MECR: variants seen among roughly 807,000 people sequenced by gnomAD.
The protein encoded by MECR is enoyl-[acyl-carrier-protein] reductase, mitochondrial.
Under a neutral mutation model 49.1 loss-of-function variants are expected in MECR, and 37 were observed. That is an observed-to-expected ratio of 0.75 (90% CI 0.58 to 0.99). The LOEUF is 0.99. Ranked by LOEUF, MECR falls within the 50% of genes least tolerant of loss-of-function variation. MECR has a pLI of 0.00. For synonymous variants in MECR, 198 were observed against 191.1 expected, an observed-to-expected ratio of 1.04 and a Z score of -0.30; for missense variants, 470 against 479.6, an observed-to-expected ratio of 0.98 and a Z score of 0.19.
At chr1:29,225,258 T>A (rs1355004033) in intron 1 of MECR, among the ~76,000 whole-genome samples, 2 of 152,214 alleles carry the variant, frequency 1.3e-5, no homozygotes, top group South Asian at 2.1e-4. Context: ...AGTCAACAAA[T>A]ACGGACTGAT....
intron 1 of MECR, among the ~76,000 whole-genome samples, chr1:29,227,745 A>G (rs952676086): frequency 7.9e-5 from 12 of 152,204 alleles, no homozygotes; most frequent in African/African-American, 2.9e-4. Context: ...AGTTACCAGG[A>G]TGTGTAAAGG....
chr1:29,176,754 A>T, the MECR span, among the ~76,000 whole-genome samples: 1 of 152,192 alleles, frequency 6.6e-6, no homozygotes, highest in Non-Finnish European at 1.5e-5. Context: ...ATTATGGTGC[A>T]TTAAACAAGG....
chr1:29,180,745 C>A, the MECR span, among the ~76,000 whole-genome samples: 1 of 152,344 alleles, frequency 6.6e-6, no homozygotes, highest in Admixed American at 6.5e-5. Flanking sequence ...AGTATTTTCT[C>A]CAGGCCTGAT....
intron 1 of MECR, chr1:29,223,621 C>G (rs1000264341): frequency 4.6e-5 from 7 of 152,280 alleles, no homozygotes; most frequent in African/African-American, 1.7e-4. Context: ...ACGTTTGTGT[C>G]ATCACAGGGC....
chr1:29,221,844 C>G (rs1680855445), intron 1 of MECR, among the ~76,000 whole-genome samples: 1 of 152,062 alleles, frequency 6.6e-6, no homozygotes, highest in African/African-American at 2.4e-5. Context: ...CAACTTATGT[C>G]GATGGCTTAC....
At chr1:29,181,529 C>T in the MECR span, 1 of 892,538 alleles carries the variant, frequency 1.1e-6, no homozygotes, top group Non-Finnish European at 1.6e-6. Flanking sequence ...ATGGCGGAGC[C>T]TGGCCAGGCC....
At chr1:29,199,266 C>T (rs887242469) in intron 7 of MECR, among the ~76,000 whole-genome samples, 12 of 152,020 alleles carry the variant, frequency 7.9e-5, no homozygotes, top group African/African-American at 2.7e-4. Context: ...CTCCCTCTGT[C>T]GCCCAGGCTG....
intron 3 of MECR, among the ~76,000 whole-genome samples, chr1:29,207,924 A>T (rs1041241476): frequency 1.3e-5 from 2 of 152,160 alleles, no homozygotes; most frequent in Admixed American, 1.3e-4. Context: ...CCACCAGGGC[A>T]GGAGAAGCTG....
At chr1:29,227,521 A>G (rs1682395784) in intron 1 of MECR, among the ~76,000 whole-genome samples, 1 of 152,258 alleles carries the variant, frequency 6.6e-6, no homozygotes, top group Non-Finnish European at 1.5e-5. Context: ...GGAGGCCAAC[A>G]GGAATGAAAA....
the MECR span, among the ~76,000 whole-genome samples, chr1:29,186,257 T>C: frequency 6.6e-6 from 1 of 152,336 alleles, no homozygotes; most frequent in Non-Finnish European, 1.5e-5. Context: ...CCATTCCTAC[T>C]TCCTAAACTA....
the MECR span, chr1:29,173,501 C>T: frequency 1.8e-5 from 2 of 109,666 alleles, no homozygotes; most frequent in African/African-American, 7.2e-5. Flanking sequence ...GAGTCTCACT[C>T]TGTTGCCCAG....
intron 1 of MECR, among the ~76,000 whole-genome samples, chr1:29,228,675 G>A (rs1018486570): frequency 6.6e-6 from 1 of 151,962 alleles, no homozygotes; most frequent in African/African-American, 2.4e-5. Context: ...GGACATAATA[G>A]AAGCTTTTTT....
At chr1:29,199,595 C>T (rs1460734653) in intron 7 of MECR, among the ~76,000 whole-genome samples, 1 of 151,810 alleles carries the variant, frequency 6.6e-6, no homozygotes, top group East Asian at 1.9e-4. Flanking sequence ...GGCTTATCCC[C>T]CTTGGTAGTG....
the MECR span, among the ~76,000 whole-genome samples, chr1:29,175,686 C>A: frequency 5.5e-5 from 4 of 72,830 alleles, no homozygotes; most frequent in African/African-American, 1.7e-4. Flanking sequence ...CAGAGCCAGA[C>A]GCTGTCTCAA....
chr1:29,227,354 T>C (rs1682360208), intron 1 of MECR, among the ~76,000 whole-genome samples: 1 of 152,222 alleles, frequency 6.6e-6, no homozygotes. Context: ...CAAATGTTTG[T>C]CATTCTTCTG....
rs183621778 is a variant in MECR, at chr1:29,206,868, T to G, written c.444A>C (p.Ala148=). ...WRTEAVFSEE[A]LIQVPSDIPL... Reference sequence around the variant, plus strand: ...GGATGTCACTCGGAACTTGGATCAGTGCTTCCTCGCTGAACACAGCCTCGG... The same window carrying G: ...GGATGTCACTCGGAACTTGGATCAGGGCTTCCTCGCTGAACACAGCCTCGG... The change falls in exon 4 of 10, where the codon GCA becomes GCC. Residue 148 remains alanine (A), a synonymous_variant. Transcript: ENST00000263702. 10 of 1,614,162 alleles carry G rather than the reference T, an allele frequency of 6.2e-6. No homozygotes were observed. In the African/African-American group the frequency reaches 1.1e-4, roughly 17 times the overall value.
intron 3 of MECR, among the ~76,000 whole-genome samples, chr1:29,212,590 A>C (rs953278870): frequency 1.3e-5 from 2 of 152,046 alleles, no homozygotes; most frequent in Non-Finnish European, 2.9e-5. Context: ...CCTTGACTCC[A>C]TGCCCTCTTC....
the MECR span, among the ~76,000 whole-genome samples, chr1:29,184,853 A>G: frequency 6.6e-6 from 1 of 151,782 alleles, no homozygotes. Context: ...GGCCAGGCAC[A>G]GTGGCTCACA....
the MECR span, among the ~76,000 whole-genome samples, chr1:29,176,550 G>A: frequency 3.3e-5 from 5 of 151,340 alleles, no homozygotes; most frequent in African/African-American, 1.2e-4. Context: ...CAGCAACCTG[G>A]AACATTAAAC....
Sources: allele counts gnomAD v4.1 joint callset (sites outside exome capture counted in the v4.1 genomes callset), GRCh38; gene constraint gnomAD v4.1.1; transcripts MANE v1.5; gene names NCBI Gene and HGNC (gene_info 2026-07-23, HGNC 2026-07-21).